Variants in XRRA1 observed in about 807,000 individuals in gnomAD.
XRRA1 encodes the protein X-ray radiation resistance-associated protein 1.
XRRA1 carries 69 observed loss-of-function variants against 80.2 expected under a neutral mutation model. The observed-to-expected ratio is 0.86, with a 90% confidence interval of 0.71 to 1.05. XRRA1 has a LOEUF of 1.05. XRRA1 is among the 50% of genes least tolerant of loss of function. XRRA1 has a pLI of 0.00. For synonymous variants in XRRA1, 348 were observed against 389.9 expected (o/e 0.89, Z 1.27); for missense variants, 967 against 976.4 (o/e 0.99, Z 0.13).
In XRRA1 at chr11:74,930,219, T is replaced by C. The variant is rs1591517376; in HGVS notation, c.424+81A>G. On this transcript the variant is annotated intron_variant, in intron 6 of 18. Transcript: ENST00000684022. Reference sequence around the variant, plus strand: ...AGATGTGTGGCCAATCATAGATGGTTGGACAGACAAATCCTAACACACGTG... The same window carrying C: ...AGATGTGTGGCCAATCATAGATGGTCGGACAGACAAATCCTAACACACGTG... 11 of 1,196,318 alleles carry C rather than the reference T, an allele frequency of 9.2e-6. No individual in the cohort carries two copies. The East Asian group carries it at 2.5e-4, about 28-fold the overall frequency. 74.1% of individuals were successfully genotyped at this position (1,196,318 alleles called of 1,614,324 possible). A position where few individuals can be genotyped will look rare whatever the true frequency, so the allele number is the denominator to read the frequency against.
In XRRA1 at chr11:74,845,319, C is replaced by A. The variant is rs778808379; in HGVS notation, c.1729-48G>T. Reference sequence around the variant, plus strand: ...TTCATTTGTCACTCATTCATTCATTCATTCCATGAACATTCGGAGTATCAT... The same window carrying A: ...TTCATTTGTCACTCATTCATTCATTAATTCCATGAACATTCGGAGTATCAT... On this transcript the variant is annotated intron_variant, in intron 15 of 18. Transcript: ENST00000684022. 8.4e-6 allele frequency: 13 copies of A among 1,548,670 alleles called. No homozygotes were observed. In the South Asian group the frequency reaches 9.4e-5, roughly 11 times the overall value.
chr11:74,947,020 G>T (rs1172185939), intron 1 of XRRA1, among the ~76,000 whole-genome samples: 1 of 152,058 alleles, frequency 6.6e-6, no homozygotes, highest in East Asian at 1.9e-4. Context: ...CAAAGTGCTG[G>T]GATTACAGGC....
intron 15 of XRRA1, among the ~76,000 whole-genome samples, chr11:74,846,392 A>G (rs1035923333): frequency 6.6e-6 from 1 of 152,210 alleles, no homozygotes; most frequent in African/African-American, 2.4e-5. Context: ...ATTAACACCA[A>G]TACTTCACAA....
Position 74,921,358 on chromosome 11 carries a change from A to G in XRRA1, c.523-11T>C. 6.2e-7 allele frequency: 1 copy of G among 1,613,854 alleles called. No individual in the cohort carries two copies. The highest frequency in any genetic ancestry group is 1.1e-5 in the South Asian group (1 of 91,068). On this transcript the variant is annotated splice_polypyrimidine_tract_variant and intron_variant, in intron 7 of 18. Coordinates refer to ENST00000684022, the MANE Select transcript of XRRA1 (RefSeq NM_001378157.1). ...GGAAAGGTCCAAGAACTGCCATGCA[A>G]AGATGAAAGATGGGGAAGGTAAGCA... is the stretch of plus-strand genomic sequence containing the variant.
intron 8 of XRRA1, chr11:74,919,715 T>C (rs1940055626): frequency 2.0e-6 from 1 of 499,180 alleles, no homozygotes; most frequent in East Asian, 5.2e-5. Context: ...AGCATGCCCC[T>C]TGAGCACTCA....
intron 14 of XRRA1, 174 bp downstream of exon 14, chr11:74,850,914 C>T (rs771400417): frequency 4.7e-6 from 2 of 428,610 alleles, no homozygotes; most frequent in African/African-American, 2.0e-5. Context: ...ATTTTCATAT[C>T]TGTTGTTTCA....
At chr11:74,927,057 A>C in intron 7 of XRRA1, among the ~76,000 whole-genome samples, 1 of 150,272 alleles carries the variant, frequency 6.7e-6, no homozygotes, top group Non-Finnish European at 1.5e-5. Context: ...TCCCCTCAAA[A>C]TTCTCCCTCC....
chr11:74,947,083 T>C lies in XRRA1; in HGVS notation c.-73+1845A>G, dbSNP rs1947726896. Among the ~76,000 whole-genome samples the C allele has an allele frequency of 2.0e-5, 3 of 152,092 alleles. No homozygotes were observed. The South Asian group carries it at 6.2e-4, about 32-fold the overall frequency. On this transcript the variant is annotated intron_variant, in intron 1 of 18. Coordinates refer to ENST00000684022, the MANE Select transcript of XRRA1 (RefSeq NM_001378157.1). ...GCATCTCACACAGGACCTGGCCTAC[T>C]GAAGGAAGAGTCTCAATGATTGTTA...
In XRRA1 at chr11:74,843,135, GCA is replaced by G; in HGVS notation, c.*63_*64del. The G allele has an allele frequency of 6.7e-7, 1 of 1,495,498 alleles. No individual in the cohort carries two copies. The highest frequency in any genetic ancestry group is 8.9e-7 in the Non-Finnish European group (1 of 1,118,602). The allele number at this position is 1,495,498 out of a possible 1,614,324, so 92.6% of individuals were successfully genotyped here. On this transcript the variant is annotated 3_prime_UTR_variant, in exon 19 of 19. Coordinates refer to ENST00000684022, the MANE Select transcript of XRRA1 (RefSeq NM_001378157.1). ...GGTCAACCTTGAGGTGCGGTCCAGG[GCA>G]CAGAGCCCTCGGGGAGAGCTGGGGC...
At chr11:74,900,192 AAATAAT>A (rs763613667) in intron 10 of XRRA1, among the ~76,000 whole-genome samples, 4 of 151,790 alleles carry the variant, frequency 2.6e-5, no homozygotes, top group African/African-American at 7.3e-5. Flanking sequence ...TAAATAAATA[AAATAAT>A]AATAATAATA....
At position 74,843,062 on chromosome 11, in the gene XRRA1, G is replaced by A. The variant is rs796614400; in HGVS notation, c.*138C>T. 5.7e-6 allele frequency: 7 copies of A among 1,220,476 alleles called. No individual in the cohort carries two copies. In the East Asian group the frequency reaches 1.8e-4, roughly 31 times the overall value. 75.6% of individuals were successfully genotyped at this position (1,220,476 alleles called of 1,614,324 possible). A position where few individuals can be genotyped will look rare whatever the true frequency, so the allele number is the denominator to read the frequency against. On this transcript the variant is annotated 3_prime_UTR_variant, in exon 19 of 19. Coordinates refer to ENST00000684022, the MANE Select transcript of XRRA1 (RefSeq NM_001378157.1). ...GATCCTGACAAGGGGATGCCACCTT[G>A]TGGCCAGCAAGTGGGGCCCAGCTGA... is the stretch of plus-strand genomic sequence containing the variant.
chr11:74,857,645 A>G (rs1044365520), intron 12 of XRRA1, among the ~76,000 whole-genome samples: 4 of 152,224 alleles, frequency 2.6e-5, no homozygotes, highest in Admixed American at 6.5e-5. Flanking sequence ...TTTCCCCCAA[A>G]ACTGCAGAAT....
chr11:74,935,530 C>CA (rs1473834121), intron 4 of XRRA1, among the ~76,000 whole-genome samples: 32 of 152,186 alleles, frequency 2.1e-4, no homozygotes, highest in Admixed American at 2.0e-3. Flanking sequence ...ACAGATTTGA[C>CA]AACTATCTTG....
At chr11:74,875,180 G>T (rs1202869515) in intron 10 of XRRA1, among the ~76,000 whole-genome samples, 1 of 152,216 alleles carries the variant, frequency 6.6e-6, no homozygotes, top group Non-Finnish European at 1.5e-5. Flanking sequence ...AGAGGTAGCA[G>T]TGATGCATTG....
In XRRA1 at chr11:74,906,461, A is replaced by C. The variant is rs1211376901; in HGVS notation, c.786-5T>G. On this transcript the variant is annotated splice_polypyrimidine_tract_variant and splice_region_variant and intron_variant, in intron 9 of 18. Coordinates refer to ENST00000684022, the MANE Select transcript of XRRA1 (RefSeq NM_001378157.1). ...TCCAAGCTTAACTTCTTCAGTCTTC[A>C]ATTAAGGAAAGTGAATATAGAATCA... 1 of 1,613,420 alleles carries C rather than the reference A, an allele frequency of 6.2e-7. No individual in the cohort carries two copies. Among genetic ancestry groups the C allele is most frequent in the African/African-American group, 1.3e-5 (1 of 74,894 alleles).
intron 10 of XRRA1, among the ~76,000 whole-genome samples, chr11:74,864,708 C>T (rs1253734803): frequency 6.6e-6 from 1 of 152,194 alleles, no homozygotes; most frequent in Non-Finnish European, 1.5e-5. Context: ...TGCCTGCTGA[C>T]ATTGATCTTA....
At chr11:74,922,256 C>CAAAAAAA (rs398016677) in intron 7 of XRRA1, among the ~76,000 whole-genome samples, 4 of 69,570 alleles carry the variant, frequency 5.7e-5, no homozygotes, top group African/African-American at 6.5e-5. Context: ...GACTCTGCCT[C>CAAAAAAA]AAAAAAAAAA....
At position 74,906,426 on chromosome 11, in the gene XRRA1, C is replaced by A; in HGVS notation, c.816G>T (p.Arg272Ser). The change falls in exon 10 of 19, where the codon AGG becomes AGT. Residue 272 changes from arginine to serine, a missense_variant. Physicochemically the swap from Arg to Ser is moderately radical, Grantham distance 110 (BLOSUM62 -1). Coordinates refer to ENST00000684022, the MANE Select transcript of XRRA1 (RefSeq NM_001378157.1). ...RLKKLSLDEN[R>S]IIRIPYLQQV... ...GCTGTAGGTATGGGATCCTGATAAT[C>A]CTGTTTTCATCCAAGCTTAACTTCT... 2 of 1,613,874 alleles carry A rather than the reference C, an allele frequency of 1.2e-6. No homozygotes were observed. The highest frequency in any genetic ancestry group is 1.7e-6 in the Non-Finnish European group (2 of 1,179,816).
At chr11:74,936,428 C>T (rs1245991464) in intron 4 of XRRA1, among the ~76,000 whole-genome samples, 1 of 152,254 alleles carries the variant, frequency 6.6e-6, no homozygotes, top group Non-Finnish European at 1.5e-5. Context: ...AATCTCTCAA[C>T]CCTACTAGGT....
Sources: allele counts gnomAD v4.1 joint callset (sites outside exome capture counted in the v4.1 genomes callset), GRCh38; gene constraint gnomAD v4.1.1; transcripts MANE v1.5; gene names NCBI Gene and HGNC (gene_info 2026-07-23, HGNC 2026-07-21).